The following STK32B variants were observed in gnomAD, a reference collection of about 807,000 sequenced individuals.
The protein encoded by STK32B is serine/threonine kinase 32B.
Under a neutral mutation model 52.6 loss-of-function variants are expected in STK32B, and 43 were observed. That is an observed-to-expected ratio of 0.82 (90% confidence interval 0.64 to 1.05). The LOEUF (loss-of-function observed/expected upper bound fraction) is 1.05, where lower values mean the gene tolerates loss of function less well. Ranked by LOEUF, STK32B falls within the 50% of genes least tolerant of loss-of-function variation. STK32B has a pLI of 0.00. For synonymous variants in STK32B, 238 were observed against 204.3 expected (o/e 1.17, Z -1.41); for missense variants, 621 against 534.6 (o/e 1.16, Z -1.59).
In STK32B at chr4:5,396,448, T is replaced by A. The variant is rs1405159686; in HGVS notation, c.435-1759T>A. ...AGTAATTACCTCTGCAAAGACTCCA[T>A]TTCCATATAGGGTCCCATTCTGAAG... On this transcript the variant is annotated intron_variant, in intron 4 of 11. Coordinates refer to ENST00000282908, the MANE Select transcript of STK32B (RefSeq NM_018401.3). The surrounding 1 kb of genome is among the most constrained non-coding windows in gnomAD (Gnocchi z 4.7). 2.6e-5 allele frequency among the ~76,000 whole-genome samples: 4 copies of A among 152,164 alleles called. No individual in the cohort carries two copies. The highest frequency in any genetic ancestry group is 4.4e-5 in the Non-Finnish European group (3 of 68,024).
chr4:5,478,745 A>T (rs1337604747), intron 11 of STK32B, among the ~76,000 whole-genome samples: 1 of 152,046 alleles, frequency 6.6e-6, no homozygotes, highest in African/African-American at 2.4e-5. Flanking sequence ...CCAAGGTGTT[A>T]CTCCCCGGAG....
intron 3 of STK32B, among the ~76,000 whole-genome samples, chr4:5,248,684 C>T (rs865975137): frequency 5.9e-5 from 9 of 152,140 alleles, no homozygotes; most frequent in Non-Finnish European, 1.2e-4. Flanking sequence ...CCCAAATGTC[C>T]ATCAGTGATG....
chr4:5,260,705 C>G (rs912933234), intron 3 of STK32B, among the ~76,000 whole-genome samples: 4 of 152,152 alleles, frequency 2.6e-5, no homozygotes, highest in Non-Finnish European at 5.9e-5. Context: ...GGATACTAAT[C>G]TGGAGAAGTA....
intron 4 of STK32B, among the ~76,000 whole-genome samples, chr4:5,344,930 A>G (rs1296125391): frequency 6.6e-6 from 1 of 152,076 alleles, no homozygotes; most frequent in Non-Finnish European, 1.5e-5. Flanking sequence ...CTACAAGGCT[A>G]CGTGGGAGGC....
chr4:5,422,529 G>C (rs1276021547), intron 6 of STK32B, among the ~76,000 whole-genome samples: 2 of 152,138 alleles, frequency 1.3e-5, no homozygotes, highest in Non-Finnish European at 2.9e-5. Context: ...GAAAAAAAAA[G>C]ATCTCTCTAA....
intron 1 of STK32B, among the ~76,000 whole-genome samples, chr4:5,107,792 C>A (rs1222572147): frequency 6.6e-6 from 1 of 152,146 alleles, no homozygotes; most frequent in Non-Finnish European, 1.5e-5. Flanking sequence ...CCAGTGTTAT[C>A]CAATGAGTTT....
At chr4:5,021,520 A>G in the STK32B span, among the ~76,000 whole-genome samples, 1 of 152,152 alleles carries the variant, frequency 6.6e-6, no homozygotes, top group South Asian at 2.1e-4. Flanking sequence ...CTGCTTTAAA[A>G]TGCTCTAGGG....
chr4:5,316,210 A>G (rs1265216725), intron 3 of STK32B, among the ~76,000 whole-genome samples: 1 of 87,836 alleles, frequency 1.1e-5, no homozygotes, highest in Non-Finnish European at 1.9e-5. Flanking sequence ...TATAATATAT[A>G]TTACATAATA....
intron 3 of STK32B, among the ~76,000 whole-genome samples, chr4:5,325,027 C>G: frequency 6.6e-6 from 1 of 152,166 alleles, no homozygotes; most frequent in South Asian, 2.1e-4. Flanking sequence ...GAACATTCAC[C>G]TCGTGCTCTG....
chr4:5,495,905 G>T (rs1439765406), intron 11 of STK32B, among the ~76,000 whole-genome samples: 5 of 152,226 alleles, frequency 3.3e-5, no homozygotes, highest in Admixed American at 3.3e-4. Context: ...TTCCTGAACT[G>T]CGAATGCTGC....
intron 3 of STK32B, among the ~76,000 whole-genome samples, chr4:5,180,899 T>C (rs186701526): frequency 1.3e-5 from 2 of 152,268 alleles, no homozygotes; most frequent in Admixed American, 1.3e-4. Context: ...TCAAGTGCAA[T>C]ATTTTCACTT....
intron 2 of STK32B, among the ~76,000 whole-genome samples, chr4:5,158,915 C>T (rs968375995): frequency 1.3e-5 from 2 of 152,178 alleles, no homozygotes; most frequent in African/African-American, 4.8e-5. Flanking sequence ...GTTAGGACTG[C>T]AGCATATGAA....
chr4:5,491,492 G>A (rs1282844329), intron 11 of STK32B, among the ~76,000 whole-genome samples: 1 of 152,068 alleles, frequency 6.6e-6, no homozygotes, highest in Non-Finnish European at 1.5e-5. Context: ...TTTGTCAGAT[G>A]AGTAGGTTGT....
At chr4:5,387,892 C>T (rs1370479813) in intron 4 of STK32B, among the ~76,000 whole-genome samples, 1 of 152,140 alleles carries the variant, frequency 6.6e-6, no homozygotes, top group African/African-American at 2.4e-5. Context: ...TTACAGGCTC[C>T]TGCCACATGC....
In STK32B at chr4:5,058,705, A is replaced by T. The variant is rs150364647; in HGVS notation, c.52+6790A>T. On this transcript the variant is annotated intron_variant, in intron 1 of 11. Coordinates refer to ENST00000282908, the MANE Select transcript of STK32B (RefSeq NM_018401.3). This position sits in a 1 kb window ranked among gnomAD's most constrained non-coding sequence, Gnocchi z 4.8. ...AGCCTACAAAGTAGACCATAGGAACACACCACCATGCCCTGCTAGTTTATT... is the reference window on the plus strand; with the variant it reads ...AGCCTACAAAGTAGACCATAGGAACTCACCACCATGCCCTGCTAGTTTATT... Among the ~76,000 whole-genome samples the T allele has an allele frequency of 2.0e-5, 3 of 152,202 alleles. No homozygotes were observed. The East Asian group carries it at 5.8e-4, about 29-fold the overall frequency.
At chr4:5,323,462 G>T (rs1731658106) in intron 3 of STK32B, among the ~76,000 whole-genome samples, 1 of 152,196 alleles carries the variant, frequency 6.6e-6, no homozygotes, top group African/African-American at 2.4e-5. Flanking sequence ...CTGCAAGGGA[G>T]GGAGACGGCT....
chr4:5,117,214 T>G (rs1714778905), intron 1 of STK32B, among the ~76,000 whole-genome samples: 1 of 152,226 alleles, frequency 6.6e-6, no homozygotes, highest in South Asian at 2.1e-4. Context: ...CCTGTCTTGT[T>G]TCTGGTCTTA....
chr4:5,135,167 G>A (rs1716000863), intron 1 of STK32B, among the ~76,000 whole-genome samples: 1 of 152,218 alleles, frequency 6.6e-6, no homozygotes, highest in East Asian at 1.9e-4. Flanking sequence ...ATGAGGAAAA[G>A]CCACTAACAT....
At chr4:5,443,705 T>C (rs1210602017) in intron 6 of STK32B, among the ~76,000 whole-genome samples, 5 of 149,196 alleles carry the variant, frequency 3.4e-5, no homozygotes, top group South Asian at 2.2e-4. Flanking sequence ...AGTTTTTCTG[T>C]TCTGTTTTTT....
Sources: allele counts gnomAD v4.1 joint callset (sites outside exome capture counted in the v4.1 genomes callset), GRCh38; gene constraint gnomAD v4.1.1; non-coding constraint Gnocchi (gnomAD v3.1); transcripts MANE v1.5; gene names NCBI Gene and HGNC (gene_info 2026-07-23, HGNC 2026-07-21).